Variants in HIBCH observed in about 807,000 individuals in gnomAD.
The protein encoded by HIBCH is 3-hydroxyisobutyryl-CoA hydrolase, mitochondrial.
A neutral mutation model predicts 58.2 loss-of-function variants in HIBCH; 50 were observed. The ratio of observed to expected loss-of-function variants is 0.86; its 90% CI spans 0.68 to 1.09. The LOEUF is 1.09. Ranked by LOEUF, HIBCH falls within the 50% of genes least tolerant of loss-of-function variation. HIBCH has a pLI of 0.00. For missense variants in HIBCH, 450 were observed against 449.7 expected (o/e 1.00, Z -0.01); for synonymous variants, 151 against 146.9 (o/e 1.03, Z -0.20).
chr2:190,190,303 CATAT>C (rs1165211920), intron 1 of HIBCH, among the ~76,000 whole-genome samples: 4 of 152,278 alleles, frequency 2.6e-5, no homozygotes, highest in African/African-American at 9.6e-5. Flanking sequence ...TCTTGAAATT[CATAT>C]AAATATGATC....
intron 2 of HIBCH, among the ~76,000 whole-genome samples, chr2:190,300,495 T>A (rs970617408): frequency 2.0e-5 from 3 of 152,150 alleles, no homozygotes; most frequent in African/African-American, 7.2e-5. Context: ...TCATGTACTT[T>A]GCCCATTTTT....
intron 1 of HIBCH, among the ~76,000 whole-genome samples, chr2:190,191,958 T>A (rs1053832350): frequency 2.6e-5 from 4 of 152,178 alleles, no homozygotes; most frequent in African/African-American, 9.6e-5. Flanking sequence ...CAAATCTTTT[T>A]CATTTTGATT....
At chr2:190,234,922 G>A (rs116504450) in intron 11 of HIBCH, among the ~76,000 whole-genome samples, 2,733 of 152,160 alleles carry the variant, frequency 0.018, 88 homozygotes, top group African/African-American at 0.062. Flanking sequence ...TGAGTAGGAG[G>A]GCACACAAGT....
intron 6 of HIBCH, among the ~76,000 whole-genome samples, chr2:190,277,643 T>C (rs1019260333): frequency 2.0e-5 from 3 of 152,170 alleles, no homozygotes; most frequent in African/African-American, 7.2e-5. Context: ...GCAACCTTAG[T>C]AAGAAAATAA....
downstream of HIBCH, among the ~76,000 whole-genome samples, chr2:190,199,469 TCA>T (rs904487856): frequency 2.6e-5 from 4 of 151,758 alleles, no homozygotes; most frequent in African/African-American, 9.7e-5. Context: ...TGAATTGTTT[TCA>T]GTTTTATAAA....
intron 6 of HIBCH, among the ~76,000 whole-genome samples, chr2:190,271,515 TC>T (rs1687401208): frequency 6.6e-6 from 1 of 151,962 alleles, no homozygotes. Flanking sequence ...GGTCTGAGAC[TC>T]CCAACCTGAG....
intron 1 of HIBCH, among the ~76,000 whole-genome samples, chr2:190,314,318 T>TAG: frequency 9.4e-5 from 1 of 10,638 alleles, no homozygotes; most frequent in East Asian, 0.014. Flanking sequence ...TGTGTATATA[T>TAG]ATGTATATAT....
intron 1 of HIBCH, among the ~76,000 whole-genome samples, chr2:190,198,358 A>AAAC (rs1279598643): frequency 2.0e-5 from 3 of 152,160 alleles, no homozygotes; most frequent in African/African-American, 7.2e-5. Context: ...CAGTGGTTTC[A>AAAC]GGCCAGGCAC....
intron 1 of HIBCH, among the ~76,000 whole-genome samples, chr2:190,196,186 G>T (rs556648359): frequency 1.3e-4 from 19 of 151,848 alleles, no homozygotes; most frequent in Non-Finnish European, 2.5e-4. Context: ...TGGGTTAAAC[G>T]TATCTAATTC....
At chr2:190,218,031 G>A (rs1406210723) in intron 11 of HIBCH, among the ~76,000 whole-genome samples, 1 of 152,094 alleles carries the variant, frequency 6.6e-6, no homozygotes, top group African/African-American at 2.4e-5. Flanking sequence ...AGTACTAGGG[G>A]TGGAAAGTAG....
At chr2:190,269,170 T>C (rs1175841655) in intron 6 of HIBCH, among the ~76,000 whole-genome samples, 1 of 152,202 alleles carries the variant, frequency 6.6e-6, no homozygotes, top group Non-Finnish European at 1.5e-5. Context: ...GACATAGGCA[T>C]TGGCAAAGAC....
rs1269738772 is a variant in HIBCH, at chr2:190,216,454, G to T, written c.892-3379C>A. 6.6e-6 allele frequency among the ~76,000 whole-genome samples: 1 copy of T among 152,164 alleles called. No individual in the cohort carries two copies. The highest frequency in any genetic ancestry group is 1.9e-4 in the East Asian group (1 of 5,196). ...CTGTCAGTAAGGCTGCAGAAGGTCT[G>T]GGGGGCTATATAAGTTAGATCAGAG... is the stretch of plus-strand genomic sequence containing the variant. On this transcript the variant is annotated intron_variant, in intron 11 of 13. Transcript: ENST00000359678. This position sits in a 1 kb window ranked among gnomAD's most constrained non-coding sequence, Gnocchi z 4.2.
intron 6 of HIBCH, among the ~76,000 whole-genome samples, chr2:190,285,923 C>T (rs1403782220): frequency 6.6e-6 from 1 of 152,098 alleles, no homozygotes; most frequent in African/African-American, 2.4e-5. Flanking sequence ...TCTCAGCTCA[C>T]TATAACCTCC....
rs550598436 is a variant in HIBCH, at chr2:190,304,495, G to A, written c.78+6259C>T. Reference sequence around the variant, plus strand: ...TAATCAATTAATGGATTAATCCTTCGTGAGGACAGAGGCCTCGTGACCCAA... The same window carrying A: ...TAATCAATTAATGGATTAATCCTTCATGAGGACAGAGGCCTCGTGACCCAA... On this transcript the variant is annotated intron_variant, in intron 2 of 13. Transcript: ENST00000359678. The surrounding 1 kb of genome is among the most constrained non-coding windows in gnomAD (Gnocchi z 4.1). 1.2e-4 allele frequency among the ~76,000 whole-genome samples: 19 copies of A among 152,120 alleles called. No individual in the cohort carries two copies. Among genetic ancestry groups the A allele is most frequent in the Non-Finnish European group, 2.5e-4 (17 of 67,994 alleles).
intron 2 of HIBCH, among the ~76,000 whole-genome samples, chr2:190,300,510 G>A (rs760539131): frequency 4.6e-5 from 7 of 151,566 alleles, no homozygotes; most frequent in Non-Finnish European, 8.8e-5. Context: ...ATTTTTTAAT[G>A]GGGTTGTTTT....
At chr2:190,259,587 T>G (rs548149894) in intron 7 of HIBCH, among the ~76,000 whole-genome samples, 2 of 152,330 alleles carry the variant, frequency 1.3e-5, no homozygotes, top group Admixed American at 6.5e-5. Context: ...TGGTTAAATT[T>G]ATTTCTAAGT....
chr2:190,286,303 T>C (rs973046233), intron 6 of HIBCH, among the ~76,000 whole-genome samples: 2 of 152,222 alleles, frequency 1.3e-5, no homozygotes, highest in Non-Finnish European at 2.9e-5. Flanking sequence ...CATACTTCTA[T>C]ATGACTGTCC....
chr2:190,199,280 T>C (rs1276443234), downstream of HIBCH, among the ~76,000 whole-genome samples: 3 of 152,190 alleles, frequency 2.0e-5, no homozygotes, highest in African/African-American at 7.2e-5. Context: ...GTCACAGTTA[T>C]TCAGTTCTGC....
chr2:190,293,987 C>A (rs1559057058), intron 4 of HIBCH, among the ~76,000 whole-genome samples: 1 of 141,108 alleles, frequency 7.1e-6, no homozygotes, highest in Non-Finnish European at 1.5e-5. Flanking sequence ...GTAAAATATA[C>A]TTACAATATA....
Sources: allele counts gnomAD v4.1 joint callset (sites outside exome capture counted in the v4.1 genomes callset), GRCh38; gene constraint gnomAD v4.1.1; non-coding constraint Gnocchi (gnomAD v3.1); transcripts MANE v1.5; gene names NCBI Gene and HGNC (gene_info 2026-07-23, HGNC 2026-07-21).